The following PLEKHA5 variants were observed in gnomAD, a reference collection of about 807,000 sequenced individuals.
PLEKHA5 encodes pleckstrin homology domain-containing family A member 5.
A neutral mutation model predicts 181.9 loss-of-function variants in PLEKHA5; 55 were observed. That is an observed-to-expected ratio of 0.30 (90% CI 0.24 to 0.38). The LOEUF (loss-of-function observed/expected upper bound fraction) is 0.38, where lower values mean the gene tolerates loss of function less well. PLEKHA5 is among the 10% of genes least tolerant of loss of function. The pLI is 1.00. For missense variants in PLEKHA5, 1,432 were observed against 1,549.5 expected, an observed-to-expected ratio of 0.92 and a Z score of 1.27; for synonymous variants, 535 against 529.4, an observed-to-expected ratio of 1.01 and a Z score of -0.15.
Position 19,253,736 on chromosome 12 carries a change from C to T in PLEKHA5, c.228-204C>T, listed in dbSNP as rs537986742. ...TTGGGAGGCTGAGGCAGAAGAATTG[C>T]TTGAACCCAGAAGGCAGAGGTTGTA... On this transcript the variant is annotated intron_variant, in intron 3 of 31. Coordinates refer to ENST00000429027, the MANE Select transcript of PLEKHA5 (RefSeq NM_001256470.2). Among the ~76,000 whole-genome samples the T allele has an allele frequency of 7.4e-4, 113 of 152,090 alleles. 1 individual carries two copies. Among genetic ancestry groups the T allele is most frequent in the African/African-American group, 2.5e-3 (104 of 41,516 alleles).
At chr12:19,243,807 G>A (rs918459877) in intron 3 of PLEKHA5, among the ~76,000 whole-genome samples, 1 of 152,180 alleles carries the variant, frequency 6.6e-6, no homozygotes, top group African/African-American at 2.4e-5. Flanking sequence ...TGCTAACTCA[G>A]TGGTTATTTC....
At chr12:19,341,544 C>CT (rs1222183292) in intron 21 of PLEKHA5, among the ~76,000 whole-genome samples, 4 of 150,834 alleles carry the variant, frequency 2.7e-5, no homozygotes, top group African/African-American at 2.4e-5. Flanking sequence ...TGGGTACTTT[C>CT]TTTTTTTTTA....
At chr12:19,268,517 T>C (rs2071359984) in intron 8 of PLEKHA5, among the ~76,000 whole-genome samples, 1 of 152,230 alleles carries the variant, frequency 6.6e-6, no homozygotes. Flanking sequence ...TTGTTTCCTC[T>C]GAATGTATGA....
At chr12:19,203,201 G>A (rs933314192) in intron 3 of PLEKHA5, among the ~76,000 whole-genome samples, 2 of 152,060 alleles carry the variant, frequency 1.3e-5, no homozygotes, top group African/African-American at 4.8e-5. Context: ...AATTCATAAA[G>A]TGAATTTGAA....
At chr12:19,210,299 T>C (rs2056645114) in intron 3 of PLEKHA5, among the ~76,000 whole-genome samples, 1 of 152,246 alleles carries the variant, frequency 6.6e-6, no homozygotes, top group Admixed American at 6.5e-5. Context: ...CAGAGATTTT[T>C]ATTTCTGACA....
rs533691634 is a variant in PLEKHA5 at position 19,177,172 on chromosome 12, T to C, written c.227+44722T>C. Among the ~76,000 whole-genome samples, 24 of 152,288 alleles carry C rather than the reference T, an allele frequency of 1.6e-4. No homozygotes were observed. In the South Asian group the frequency reaches 4.8e-3, roughly 30 times the overall value. ...TGAGCCACCACGCAGGGCCCACATATTTATCTTTTGTTTTTGTGGTAAGAA... is the reference window on the plus strand; with the variant it reads ...TGAGCCACCACGCAGGGCCCACATACTTATCTTTTGTTTTTGTGGTAAGAA... On this transcript the variant is annotated intron_variant, in intron 3 of 31. Coordinates refer to ENST00000429027, the MANE Select transcript of PLEKHA5 (RefSeq NM_001256470.2).
chr12:19,195,792 A>G (rs1189536397), intron 3 of PLEKHA5, among the ~76,000 whole-genome samples: 1 of 152,008 alleles, frequency 6.6e-6, no homozygotes, highest in Non-Finnish European at 1.5e-5. Context: ...ACACATACAT[A>G]CAAAAATAAT....
At chr12:19,347,451 T>A (rs2094391593) in intron 24 of PLEKHA5, among the ~76,000 whole-genome samples, 1 of 152,042 alleles carries the variant, frequency 6.6e-6, no homozygotes, top group South Asian at 2.1e-4. Context: ...TTTCCCATGA[T>A]GAAGCAGCCG....
intron 3 of PLEKHA5, among the ~76,000 whole-genome samples, chr12:19,143,375 C>T (rs752804517): frequency 7.2e-5 from 11 of 152,046 alleles, no homozygotes; most frequent in African/African-American, 2.4e-4. Context: ...AGTGTATATG[C>T]TTCTTTTTAA....
chr12:19,298,525 C>A (rs1284782205), intron 15 of PLEKHA5, among the ~76,000 whole-genome samples: 3 of 150,426 alleles, frequency 2.0e-5, no homozygotes, highest in Non-Finnish European at 4.4e-5. Context: ...CCCACCACCA[C>A]GCCTGGTGAA....
intron 3 of PLEKHA5, among the ~76,000 whole-genome samples, chr12:19,246,309 T>C (rs748246729): frequency 4.0e-5 from 6 of 151,766 alleles, no homozygotes; most frequent in Non-Finnish European, 8.8e-5. Context: ...TAACATTACT[T>C]GAATTTTTAA....
intron 28 of PLEKHA5, among the ~76,000 whole-genome samples, chr12:19,360,492 T>C (rs2095183187): frequency 1.3e-5 from 2 of 151,404 alleles, no homozygotes; most frequent in African/African-American, 2.4e-5. Context: ...CTGTAATCAC[T>C]ACTTGGGAGG....
At chr12:19,161,397 C>G (rs868541404) in intron 3 of PLEKHA5, among the ~76,000 whole-genome samples, 2 of 152,148 alleles carry the variant, frequency 1.3e-5, no homozygotes, top group East Asian at 1.9e-4. Flanking sequence ...AAAATACGTT[C>G]TCCAAAAATA....
At chr12:19,344,874 C>T (rs536387941) in intron 22 of PLEKHA5, among the ~76,000 whole-genome samples, 164 of 151,162 alleles carry the variant, frequency 1.1e-3, no homozygotes, top group African/African-American at 3.9e-3. Context: ...TTTGGGAGGC[C>T]GAGGCAGGCG....
At chr12:19,371,229 GCTCCTGAGCTCAAGTGATCTGTCCGC>G (rs2095568020) in intron 31 of PLEKHA5, 2 of 152,140 alleles carry the variant, frequency 1.3e-5, no homozygotes, top group African/African-American at 4.8e-5. Context: ...CTGATCTCAA[GCTCCTGAGCTCAAGTGATCTGTCCGC>G]CTCAGCCTCC....
chr12:19,184,031 G>A (rs1269779504), intron 3 of PLEKHA5, among the ~76,000 whole-genome samples: 1 of 152,082 alleles, frequency 6.6e-6, no homozygotes, highest in Non-Finnish European at 1.5e-5. Context: ...GGAAAAATTT[G>A]TTAAGGCCTC....
chr12:19,373,699 C>G (rs1223663459), intron 31 of PLEKHA5: 1 of 151,754 alleles, frequency 6.6e-6, no homozygotes, highest in African/African-American at 2.4e-5. Context: ...ACTGTTGCTA[C>G]TGGTGACGTA....
chr12:19,223,837 T>C (rs369431769), intron 3 of PLEKHA5, among the ~76,000 whole-genome samples: 2 of 152,218 alleles, frequency 1.3e-5, no homozygotes, highest in South Asian at 2.1e-4. Context: ...GTAAAATTCT[T>C]TGCTGGACCG....
At chr12:19,214,323 A>G (rs572558741) in intron 3 of PLEKHA5, among the ~76,000 whole-genome samples, 51 of 152,342 alleles carry the variant, frequency 3.3e-4, no homozygotes, top group African/African-American at 1.1e-3. Flanking sequence ...TGTCAGTTAA[A>G]GAGACATCAG....
Sources: gnomAD v4.1 joint callset for allele counts (sites outside exome capture counted in the v4.1 genomes callset) on GRCh38, gnomAD v4.1.1 for gene constraint, MANE v1.5 for transcripts, NCBI Gene and HGNC (gene_info 2026-07-23, HGNC 2026-07-21) for gene names.